NPS: variants seen among roughly 807,000 people sequenced by gnomAD.
NPS encodes the protein prepro-neuropeptide S.
In NPS, 6 loss-of-function variants were observed where a neutral mutation model predicts 7.2. That is an observed-to-expected ratio of 0.83 (90% CI 0.46 to 1.64). NPS has a LOEUF of 1.64. Ranked by LOEUF, NPS falls within the 40% of genes most tolerant of loss-of-function variation. NPS has a pLI of 0.01. For synonymous variants in NPS, 42 were observed against 36.7 expected, an observed-to-expected ratio of 1.14 and a Z score of -0.52; for missense variants, 123 against 97.8, an observed-to-expected ratio of 1.26 and a Z score of -1.09.
chr10:127,551,264 C>A (rs1278050676), intron 2 of NPS, among the ~76,000 whole-genome samples: 3 of 148,826 alleles, frequency 2.0e-5, no homozygotes, highest in Non-Finnish European at 4.5e-5. Flanking sequence ...GGGAAAAAGC[C>A]CATTTTTTTT....
In NPS at chr10:127,552,497, A is replaced by G; in HGVS notation, c.128A>G (p.Asn43Ser). Reference protein sequence around the residue: ...GKSDYFLILLNSCPTRLDRSK... With the variant: ...GKSDYFLILLSSCPTRLDRSK... The stretch of plus-strand genomic sequence containing the variant: ...TCTGATTACTTTCTCATTCTGCTGA[A>G]CAGCTGCCCAACCAGATTGGACAGG... Residue 43 changes from asparagine (N) to serine (S), a missense_variant, in exon 3 of 3, where the codon AAC becomes AGC. Transcript: ENST00000398023. The G allele has an allele frequency of 6.2e-7, 1 of 1,612,440 alleles. No homozygotes were observed. The highest frequency in any genetic ancestry group is 1.1e-5 in the South Asian group (1 of 90,946).
intron 2 of NPS, among the ~76,000 whole-genome samples, chr10:127,551,058 C>T (rs573043637): frequency 6.6e-6 from 1 of 152,154 alleles, no homozygotes. Flanking sequence ...TGGCTTGCTT[C>T]CCTTCCTGCA....
In NPS at chr10:127,549,519, G is replaced by C; in HGVS notation, c.39G>C (p.Leu13=). ...TAAAACTCAATCTCATCCTAGTTCT[G>C]TCGCTGTCCACAATGCATGTGTTTT... is the stretch of plus-strand genomic sequence containing the variant. ...SSVKLNLILV[L]SLSTMHVFWC... The change falls in exon 2 of 3, where the codon CTG becomes CTC. Residue 13 remains leucine (L), a synonymous_variant. Coordinates refer to ENST00000398023, the MANE Select transcript of NPS (RefSeq NM_001030013.2). The C allele has an allele frequency of 1.2e-6, 2 of 1,612,942 alleles. No individual in the cohort carries two copies. Among genetic ancestry groups the C allele is most frequent in the South Asian group, 2.2e-5 (2 of 91,040 alleles).
intron 2 of NPS, among the ~76,000 whole-genome samples, chr10:127,550,951 A>G (rs1844852672): frequency 6.6e-6 from 1 of 152,192 alleles, no homozygotes; most frequent in South Asian, 2.1e-4. Context: ...AAAGTGCATC[A>G]GTGTCTTTTT....
chr10:127,549,571 G>T lies in NPS; in HGVS notation c.90+1G>T, dbSNP rs368343868. On this transcript the variant is annotated splice_donor_variant, in intron 2 of 2. Coordinates refer to ENST00000398023, the MANE Select transcript of NPS (RefSeq NM_001030013.2). LOFTEE classifies it high-confidence loss of function. ...GTGTTATCCAGTTCCATCTTCTAAG[G>T]TAAGGATTTGCCTCCGTTGTGGATA... 2 of 1,565,004 alleles carry T rather than the reference G, an allele frequency of 1.3e-6. No individual in the cohort carries two copies. Among genetic ancestry groups the T allele is most frequent in the South Asian group, 2.2e-5 (2 of 89,932 alleles).
intron 2 of NPS, among the ~76,000 whole-genome samples, chr10:127,552,173 T>G (rs1844864112): frequency 1.3e-5 from 2 of 152,206 alleles, no homozygotes; most frequent in South Asian, 4.1e-4. Flanking sequence ...GCTTGAAATA[T>G]TCTTTTTAAA....
At chr10:127,551,524 T>C (rs11018194) in intron 2 of NPS, among the ~76,000 whole-genome samples, 30,697 of 152,116 alleles carry the variant, frequency 0.2, 3,692 homozygotes, top group East Asian at 0.37. Flanking sequence ...AGTTCTAGTA[T>C]AGTTGAGAAA....
intron 2 of NPS, among the ~76,000 whole-genome samples, chr10:127,549,800 C>T (rs10830121): frequency 0.12 from 18,764 of 152,122 alleles, 1,625 homozygotes; most frequent in East Asian, 0.37. Context: ...GGGTTGGCTC[C>T]TGCAAAGGGA....
intron 2 of NPS, among the ~76,000 whole-genome samples, chr10:127,552,089 C>A (rs893665604): frequency 6.6e-6 from 1 of 152,226 alleles, no homozygotes; most frequent in African/African-American, 2.4e-5. Flanking sequence ...TTCTGATTGA[C>A]ACCTAGAGTC....
In NPS at chr10:127,552,984, A is replaced by G. The variant is rs550123680; in HGVS notation, c.*345A>G. Among the ~76,000 whole-genome samples, 14 of 152,136 alleles carry G rather than the reference A, an allele frequency of 9.2e-5. No individual in the cohort carries two copies. In the South Asian group the frequency reaches 2.9e-3, roughly 32 times the overall value. ...GTATGATTTTTTTTTTCCTGCCTGT[A>G]ATATCATAACACGAATACTGTGATA... On this transcript the variant is annotated 3_prime_UTR_variant, in exon 3 of 3. Coordinates refer to ENST00000398023, the MANE Select transcript of NPS (RefSeq NM_001030013.2).
At position 127,549,504 on chromosome 10, in the gene NPS, T is replaced by G. The variant is rs537205234; in HGVS notation, c.24T>G (p.Asn8Lys). The change falls in exon 2 of 3, where the codon AAT becomes AAG. Residue 8 changes from asparagine (N) to lysine (K), a missense_variant. By Grantham distance (94) the Asn-to-Lys change is moderately conservative. Coordinates refer to ENST00000398023, the MANE Select transcript of NPS (RefSeq NM_001030013.2). The stretch of plus-strand genomic sequence containing the variant: ...TACTTTGCAGCTCAGTAAAACTCAA[T>G]CTCATCCTAGTTCTGTCGCTGTCCA... MISSVKL[N>K]LILVLSLSTM... 4.8e-5 allele frequency: 78 copies of G among 1,611,848 alleles called. No homozygotes were observed. Among genetic ancestry groups the G allele is most frequent in the Non-Finnish European group, 6.3e-5 (74 of 1,178,040 alleles).
rs1844871137 is a variant in NPS at position 127,552,838 on chromosome 10, C to G, written c.*199C>G. 6.6e-6 allele frequency among the ~76,000 whole-genome samples: 1 copy of G among 152,096 alleles called. No individual in the cohort carries two copies. Among genetic ancestry groups the G allele is most frequent in the Non-Finnish European group, 1.5e-5 (1 of 68,024 alleles). ...GTCTCAAACCTGTCTCAAACTTCCACTTGTGAGAGAAAAAACAATTTATGT... is the reference window on the plus strand; with the variant it reads ...GTCTCAAACCTGTCTCAAACTTCCAGTTGTGAGAGAAAAAACAATTTATGT... On this transcript the variant is annotated 3_prime_UTR_variant, in exon 3 of 3. Transcript: ENST00000398023.
At position 127,552,708 on chromosome 10, in the gene NPS, G is replaced by T; in HGVS notation, c.*69G>T. 9.8e-7 allele frequency: 1 copy of T among 1,016,240 alleles called. No homozygotes were observed. The highest frequency in any genetic ancestry group is 1.5e-6 in the Non-Finnish European group (1 of 656,916). 63.0% of individuals were successfully genotyped at this position (1,016,240 alleles called of 1,614,324 possible). Reference sequence around the variant, plus strand: ...GTGACTGACGTACTCAAAGTCCATCGTCTCTTTATCATTGAGTGTTGGCAT... The same window carrying T: ...GTGACTGACGTACTCAAAGTCCATCTTCTCTTTATCATTGAGTGTTGGCAT... On this transcript the variant is annotated 3_prime_UTR_variant, in exon 3 of 3. Transcript: ENST00000398023.
chr10:127,551,795 G>A (rs2134877685), intron 2 of NPS, among the ~76,000 whole-genome samples: 1 of 152,326 alleles, frequency 6.6e-6, no homozygotes, highest in Admixed American at 6.5e-5. Flanking sequence ...GGAATCTCCA[G>A]CCCTGTCACA....
chr10:127,550,894 T>G (rs1280252990), intron 2 of NPS, among the ~76,000 whole-genome samples: 3 of 152,174 alleles, frequency 2.0e-5, no homozygotes, highest in African/African-American at 7.2e-5. Context: ...TACAATCTTA[T>G]TATGTTAATG....
In NPS at chr10:127,549,388, CG is replaced by C. The variant is rs1565126017; in HGVS notation, c.8+13del. 6.2e-7 allele frequency: 1 copy of C among 1,608,524 alleles called. No individual in the cohort carries two copies. Among genetic ancestry groups the C allele is most frequent in the Non-Finnish European group, 8.5e-7 (1 of 1,175,328 alleles). ...TCCAAAATGATTAGGTAAAAGGCTACGTTTTTCTGCAAAGAAAAATGTTGCA... is the reference window on the plus strand; with the variant it reads ...TCCAAAATGATTAGGTAAAAGGCTACTTTTTCTGCAAAGAAAAATGTTGCA... On this transcript the variant is annotated intron_variant, in intron 1 of 2. Coordinates refer to ENST00000398023, the MANE Select transcript of NPS (RefSeq NM_001030013.2).
intron 2 of NPS, among the ~76,000 whole-genome samples, chr10:127,551,202 A>G (rs1844855530): frequency 6.6e-6 from 1 of 152,118 alleles, no homozygotes; most frequent in African/African-American, 2.4e-5. Context: ...TGGTTTTCTC[A>G]TGACCAATAT....
In NPS at chr10:127,552,508, A is replaced by G; in HGVS notation, c.139A>G (p.Thr47Ala). The change falls in exon 3 of 3, where the codon ACC (threonine) becomes GCC (alanine). Residue 47 changes from threonine (T) to alanine (A), a missense_variant. Transcript: ENST00000398023. The stretch of plus-strand genomic sequence containing the variant: ...TCTCATTCTGCTGAACAGCTGCCCA[A>G]CCAGATTGGACAGGAGCAAAGAACT... ...YFLILLNSCP[T>A]RLDRSKELAF... 2.5e-6 allele frequency: 4 copies of G among 1,612,688 alleles called. No individual in the cohort carries two copies. The highest frequency in any genetic ancestry group is 3.4e-6 in the Non-Finnish European group (4 of 1,178,758).
rs1844875897 is a variant in NPS at position 127,553,316 on chromosome 10, C to T, written c.*677C>T. 6.6e-6 allele frequency among the ~76,000 whole-genome samples: 1 copy of T among 152,034 alleles called. No individual in the cohort carries two copies. The highest frequency in any genetic ancestry group is 2.4e-5 in the African/African-American group (1 of 41,376). On this transcript the variant is annotated 3_prime_UTR_variant, in exon 3 of 3. Coordinates refer to ENST00000398023, the MANE Select transcript of NPS (RefSeq NM_001030013.2). ...TTAAGCACAGAAATGCTGCCAGTAA[C>T]AACAACAACAGAGAGACTGAGAGTG... is the stretch of plus-strand genomic sequence containing the variant.
Sources: allele counts gnomAD v4.1 joint callset (sites outside exome capture counted in the v4.1 genomes callset), GRCh38; gene constraint gnomAD v4.1.1; transcripts MANE v1.5; gene names NCBI Gene and HGNC (gene_info 2026-07-23, HGNC 2026-07-21).